LIPC: variants seen among roughly 807,000 people sequenced by gnomAD.
LIPC encodes the protein lipase C, hepatic type.
LIPC carries 44 observed loss-of-function variants against 50.7 expected under a neutral mutation model. That is an observed-to-expected ratio of 0.87 (90% CI 0.68 to 1.11). The LOEUF (loss-of-function observed/expected upper bound fraction) is 1.11. Among genes scored for constraint, LIPC ranks in the 50% most tolerant of loss-of-function variants. The probability of loss-of-function intolerance (pLI) is 0.00; values close to 1 mark genes in which losing one functional copy is unlikely to be tolerated. For missense variants in LIPC, 697 were observed against 648.2 expected (o/e 1.08, Z -0.82); for synonymous variants, 271 against 256.4 (o/e 1.06, Z -0.54).
chr15:58,555,729 A>G (rs4774304), intron 6 of LIPC, among the ~76,000 whole-genome samples: 136,673 of 152,226 alleles, frequency 0.9, 61,573 homozygotes, highest in Middle Eastern at 0.94. Context: ...GACTGAGGCG[A>G]CTCCCTGCCT....
At chr15:58,547,633 A>G (rs80209298) in intron 5 of LIPC, among the ~76,000 whole-genome samples, 1 of 83,672 alleles carries the variant, frequency 1.2e-5, no homozygotes, top group African/African-American at 4.4e-5. Flanking sequence ...TTGGAGAGTT[A>G]AAAAAAAAAA....
At chr15:58,491,285 T>TC (rs1891578891) in intron 1 of LIPC, among the ~76,000 whole-genome samples, 1 of 152,072 alleles carries the variant, frequency 6.6e-6, no homozygotes, top group Admixed American at 6.5e-5. Context: ...CATAGAGTGG[T>TC]CAGAGCATGG....
intron 4 of LIPC, among the ~76,000 whole-genome samples, chr15:58,543,419 C>T (rs2140916082): frequency 6.6e-6 from 1 of 152,190 alleles, no homozygotes; most frequent in East Asian, 1.9e-4. Context: ...CTCTAGGCTT[C>T]AACGACACAA....
chr15:58,551,805 T>C (rs1471297173), intron 6 of LIPC, among the ~76,000 whole-genome samples: 1 of 152,222 alleles, frequency 6.6e-6, no homozygotes, highest in Admixed American at 6.5e-5. Flanking sequence ...TTGGGCAAGA[T>C]AAACATCGCC....
At chr15:58,454,717 C>T (rs1894045171) in intron 1 of LIPC, 1 of 152,250 alleles carries the variant, frequency 6.6e-6, no homozygotes, top group Non-Finnish European at 1.5e-5. Flanking sequence ...TCACAAGACC[C>T]TCCCATGCCC....
intron 1 of LIPC, among the ~76,000 whole-genome samples, chr15:58,510,338 C>T (rs1192997376): frequency 6.6e-6 from 1 of 152,206 alleles, no homozygotes; most frequent in Admixed American, 6.5e-5. Flanking sequence ...AGTTGACTTG[C>T]TTGCCTTTTT....
intron 1 of LIPC, among the ~76,000 whole-genome samples, chr15:58,460,950 A>C (rs1271857101): frequency 3.3e-5 from 5 of 152,128 alleles, no homozygotes; most frequent in Admixed American, 3.3e-4. Context: ...CAAGGGACTG[A>C]CCCGAACATG....
At chr15:58,436,576 G>GA in intron 1 of LIPC, 1 of 303,044 alleles carries the variant, frequency 3.3e-6, no homozygotes, top group South Asian at 2.7e-5. Context: ...AAATATGACT[G>GA]AAAATACTTT....
At position 58,545,941 on chromosome 15, in the gene LIPC, G is replaced by A; in HGVS notation, c.774G>A (p.Glu258=). 6.2e-7 allele frequency: 1 copy of A among 1,614,150 alleles called. No homozygotes were observed. Among genetic ancestry groups the A allele is most frequent in the Non-Finnish European group, 8.5e-7 (1 of 1,179,976 alleles). ...TCCAGCCTGGCTGCCACTTCCTAGAGCTCTACAGACATATTGCCCAGCACG... is the reference window on the plus strand; with the variant it reads ...TCCAGCCTGGCTGCCACTTCCTAGAACTCTACAGACATATTGCCCAGCACG... The part of the protein sequence containing the change: ...GSFQPGCHFL[E]LYRHIAQHGF... The change falls in exon 5 of 9, where the codon GAG becomes GAA. Residue 258 remains glutamate (E), a synonymous_variant. Transcript: ENST00000299022.
chr15:58,445,880 G>A (rs536979775), intron 1 of LIPC, among the ~76,000 whole-genome samples: 1 of 152,258 alleles, frequency 6.6e-6, no homozygotes, highest in South Asian at 2.1e-4. Context: ...ACGTGTGTAC[G>A]CATCTATTTA....
At position 58,547,802 on chromosome 15, in the gene LIPC, G is replaced by T. The variant is rs530383240; in HGVS notation, c.809-528G>T. On this transcript the variant is annotated intron_variant, in intron 5 of 8. Transcript: ENST00000299022. ...ATGCAATGGCTGCTTTGGGACACAAGGTAGACATTGTCGAGAGGCCTCAGC... is the reference window on the plus strand; with the variant it reads ...ATGCAATGGCTGCTTTGGGACACAATGTAGACATTGTCGAGAGGCCTCAGC... Among the ~76,000 whole-genome samples, 3 of 152,172 alleles carry T rather than the reference G, an allele frequency of 2.0e-5. No homozygotes were observed. In the East Asian group the frequency reaches 5.8e-4, roughly 29 times the overall value.
chr15:58,459,215 C>T (rs1395131970), intron 1 of LIPC, among the ~76,000 whole-genome samples: 1 of 152,118 alleles, frequency 6.6e-6, no homozygotes, highest in Non-Finnish European at 1.5e-5. Flanking sequence ...GCAAGACGAC[C>T]TCTGGGTCAA....
At chr15:58,434,251 A>T (rs1449405689) in intron 1 of LIPC, among the ~76,000 whole-genome samples, 3 of 152,040 alleles carry the variant, frequency 2.0e-5, no homozygotes, top group Non-Finnish European at 4.4e-5. Context: ...CCAAGCTTCA[A>T]CTGTCACTCA....
At chr15:58,517,223 C>G (rs1485574406) in intron 1 of LIPC, among the ~76,000 whole-genome samples, 1 of 152,234 alleles carries the variant, frequency 6.6e-6, no homozygotes, top group Non-Finnish European at 1.5e-5. Flanking sequence ...GGCAAAGATC[C>G]CCAAGGTTTT....
chr15:58,554,295 A>G (rs1465599995), intron 6 of LIPC, among the ~76,000 whole-genome samples: 2 of 152,164 alleles, frequency 1.3e-5, no homozygotes, highest in Non-Finnish European at 2.9e-5. Flanking sequence ...TTCGAGGTCA[A>G]TGGACTATTT....
chr15:58,497,045 C>T (rs1438331639), intron 1 of LIPC, among the ~76,000 whole-genome samples: 1 of 152,128 alleles, frequency 6.6e-6, no homozygotes, highest in African/African-American at 2.4e-5. Flanking sequence ...AATGCACTGC[C>T]TTTTACAAAA....
chr15:58,474,195 G>A (rs770163024), intron 1 of LIPC, among the ~76,000 whole-genome samples: 2 of 152,160 alleles, frequency 1.3e-5, no homozygotes, highest in African/African-American at 2.4e-5. Context: ...CTCACCCCTG[G>A]GAAGTGCATC....
intron 1 of LIPC, among the ~76,000 whole-genome samples, chr15:58,484,259 CA>C (rs1891289857): frequency 6.6e-6 from 1 of 152,286 alleles, no homozygotes; most frequent in African/African-American, 2.4e-5. Flanking sequence ...ATTCCTACTC[CA>C]TTTGGTGATA....
intron 1 of LIPC, among the ~76,000 whole-genome samples, chr15:58,443,433 C>T (rs965251375): frequency 3.9e-5 from 6 of 152,210 alleles, no homozygotes; most frequent in African/African-American, 1.4e-4. Flanking sequence ...CCCAGAAACA[C>T]AGATGTGAGC....
Sources: allele counts gnomAD v4.1 joint callset (sites outside exome capture counted in the v4.1 genomes callset), GRCh38; gene constraint gnomAD v4.1.1; transcripts MANE v1.5; gene names NCBI Gene and HGNC (gene_info 2026-07-23, HGNC 2026-07-21).